Variants in ZNF141 observed in about 807,000 individuals in gnomAD.
ZNF141 encodes the protein zinc finger protein 141.
A neutral mutation model predicts 11.3 loss-of-function variants in ZNF141; 7 were observed. The ratio of observed to expected loss-of-function variants is 0.62; its 90% CI spans 0.35 to 1.16. ZNF141 has a LOEUF of 1.16. Ranked by LOEUF, ZNF141 falls within the 50% of genes most tolerant of loss-of-function variation. The pLI is 0.02. For synonymous variants in ZNF141, 183 were observed against 190.7 expected, an observed-to-expected ratio of 0.96 and a Z score of 0.33; for missense variants, 535 against 554.0, an observed-to-expected ratio of 0.97 and a Z score of 0.34.
chr4:372,492 G>T (rs572729092), intron 3 of ZNF141, among the ~76,000 whole-genome samples, 172 bp from the exon 4 acceptor site: 1 of 152,206 alleles, frequency 6.6e-6, no homozygotes, highest in Non-Finnish European at 1.5e-5. Flanking sequence ...TCACAGAAAG[G>T]TGTCTTTGTT....
intron 1 of ZNF141, among the ~76,000 whole-genome samples, chr4:342,512 GAGACTTGCTGTA>G (rs1343407488): frequency 6.6e-6 from 1 of 152,190 alleles, no homozygotes; most frequent in Non-Finnish European, 1.5e-5. Context: ...GCATTAACAG[GAGACTTGCTGTA>G]AAAAGCTAAT....
intron 3 of ZNF141, among the ~76,000 whole-genome samples, chr4:348,688 C>T (rs1260260679): frequency 2.0e-5 from 3 of 149,766 alleles, no homozygotes; most frequent in Non-Finnish European, 3.0e-5. Flanking sequence ...TAGATTGTGC[C>T]ACTGCACTCC....
chr4:361,154 T>A (rs1162283141), intron 3 of ZNF141, among the ~76,000 whole-genome samples: 1 of 152,204 alleles, frequency 6.6e-6, no homozygotes, highest in East Asian at 1.9e-4. Flanking sequence ...TACATTATTT[T>A]GCAATGGATC....
chr4:372,577 T>C, intron 3 of ZNF141, 87 bp from the exon 4 acceptor site: 1 of 1,193,902 alleles, frequency 8.4e-7, no homozygotes, highest in Non-Finnish European at 1.1e-6. Flanking sequence ...ATCTTACTAA[T>C]GTATTTTGAA....
intron 3 of ZNF141, among the ~76,000 whole-genome samples, chr4:366,741 C>A (rs1553852969): frequency 6.6e-6 from 1 of 151,706 alleles, no homozygotes; most frequent in Non-Finnish European, 1.5e-5. Context: ...CTGGTGCGAT[C>A]TTGGCTCACC....
chr4:346,432 T>C (rs1185369099), intron 3 of ZNF141, among the ~76,000 whole-genome samples: 1 of 152,208 alleles, frequency 6.6e-6, no homozygotes, highest in Non-Finnish European at 1.5e-5. Context: ...AGAAATCTAT[T>C]ACTTCACCTA....
chr4:338,214 C>T, intron 1 of ZNF141: 1 of 510,300 alleles, frequency 2.0e-6, no homozygotes, highest in Non-Finnish European at 3.5e-6. Context: ...CCCGCACCTT[C>T]CCCAGGCTGT....
intron 3 of ZNF141, among the ~76,000 whole-genome samples, chr4:355,325 C>A (rs1046321009): frequency 1.3e-5 from 2 of 152,102 alleles, no homozygotes; most frequent in South Asian, 2.1e-4. Context: ...CCTGCCTCAG[C>A]CTCCCTAGTA....
chr4:351,086 TCTCA>T lies in ZNF141; in HGVS notation c.226+6660_226+6663del, dbSNP rs1202610189. Among the ~76,000 whole-genome samples, 7 of 151,878 alleles carry T rather than the reference TCTCA, an allele frequency of 4.6e-5. No homozygotes were observed. In the East Asian group the frequency reaches 1.4e-3, roughly 30 times the overall value. On this transcript the variant is annotated intron_variant, in intron 3 of 3. Transcript: ENST00000240499. Reference sequence around the variant, plus strand: ...TTTTAAAAGCATGTGGCACCTCCCCTCTCACTCTTGTCTTGCTCCTGTTCCCACT... The same window carrying T: ...TTTTAAAAGCATGTGGCACCTCCCCTCTCTTGTCTTGCTCCTGTTCCCACT...
At position 382,086 on chromosome 4, in the gene ZNF141, C is replaced by G. The variant is rs1712650538; in HGVS notation, c.*8224C>G. Among the ~76,000 whole-genome samples, 1 of 151,734 alleles carries G rather than the reference C, an allele frequency of 6.6e-6. No homozygotes were observed. Among genetic ancestry groups the G allele is most frequent in the African/African-American group, 2.4e-5 (1 of 41,238 alleles). ...TCAGCCTCCCAAGTAGCTGGGACTA[C>G]AGGCACCTGCTACCATGCCCGGCTA... On this transcript the variant is annotated 3_prime_UTR_variant, in exon 4 of 4. Transcript: ENST00000240499.
chr4:344,726 G>A (rs1266178364), intron 3 of ZNF141, among the ~76,000 whole-genome samples: 6 of 152,198 alleles, frequency 3.9e-5, no homozygotes, highest in South Asian at 4.1e-4. Flanking sequence ...CCCAGGAGGC[G>A]GAGGTTGCAG....
Position 380,036 on chromosome 4 carries a change from C to A in ZNF141, c.*6174C>A, listed in dbSNP as rs1344165345. ...AGGCAACTATGTGTTGTTTTACAGA[C>A]ATGTCTCCAGATGCCCCTTTCTTGT... On this transcript the variant is annotated 3_prime_UTR_variant, in exon 4 of 4. Transcript: ENST00000240499. 6.6e-6 allele frequency among the ~76,000 whole-genome samples: 1 copy of A among 152,204 alleles called. No individual in the cohort carries two copies. Among genetic ancestry groups the A allele is most frequent in the Non-Finnish European group, 1.5e-5 (1 of 68,046 alleles).
At chr4:372,214 C>G (rs1553853665) in intron 3 of ZNF141, among the ~76,000 whole-genome samples, 2 of 152,218 alleles carry the variant, frequency 1.3e-5, no homozygotes, top group African/African-American at 4.8e-5. Context: ...ATCACCATTT[C>G]TATCAGCACT....
At chr4:341,628 C>G (rs1434028772) in intron 1 of ZNF141, among the ~76,000 whole-genome samples, 1 of 152,104 alleles carries the variant, frequency 6.6e-6, no homozygotes, top group African/African-American at 2.4e-5. Flanking sequence ...ACCGAAAGTA[C>G]TTAGTGACAT....
At chr4:349,201 A>G (rs1282868781) in intron 3 of ZNF141, among the ~76,000 whole-genome samples, 2 of 152,064 alleles carry the variant, frequency 1.3e-5, no homozygotes, top group African/African-American at 4.8e-5. Context: ...TCAGAGCCCA[A>G]GGCAGTTGTA....
At chr4:371,317 C>T (rs1712048194) in intron 3 of ZNF141, among the ~76,000 whole-genome samples, 1 of 149,608 alleles carries the variant, frequency 6.7e-6, no homozygotes, top group African/African-American at 2.5e-5. Context: ...CTGCAACCTC[C>T]ACCTCCCGGG....
chr4:379,599 T>G lies in ZNF141; in HGVS notation c.*5737T>G, dbSNP rs1712525888. 6.6e-6 allele frequency among the ~76,000 whole-genome samples: 1 copy of G among 152,106 alleles called. No individual in the cohort carries two copies. Among genetic ancestry groups the G allele is most frequent in the Non-Finnish European group, 1.5e-5 (1 of 68,032 alleles). On this transcript the variant is annotated 3_prime_UTR_variant, in exon 4 of 4. Transcript: ENST00000240499. ...TATGTTGGCCAGGCTGGTCTCAAAC[T>G]CCTGACCCTGTGATCCTGCCACCTT...
chr4:343,727 A>T, intron 1 of ZNF141, 55 bp from the exon 2 acceptor site: 1 of 853,310 alleles, frequency 1.2e-6, no homozygotes, highest in South Asian at 3.1e-5. Flanking sequence ...TCCGTCTCAA[A>T]AAAAAAAAAA....
At chr4:351,046 G>A (rs1721573644) in intron 3 of ZNF141, among the ~76,000 whole-genome samples, 1 of 151,744 alleles carries the variant, frequency 6.6e-6, no homozygotes, top group Non-Finnish European at 1.5e-5. Flanking sequence ...ACCGCGCCCG[G>A]CCTGAGATCT....
Sources: allele counts gnomAD v4.1 joint callset (sites outside exome capture counted in the v4.1 genomes callset), GRCh38; gene constraint gnomAD v4.1.1; transcripts MANE v1.5; gene names NCBI Gene and HGNC (gene_info 2026-07-23, HGNC 2026-07-21).